GRID1: variants seen among roughly 807,000 people sequenced by gnomAD.
GRID1 encodes the protein glutamate receptor ionotropic, delta-1.
In GRID1, 28 loss-of-function variants were observed where a neutral mutation model predicts 98.0. The observed-to-expected ratio is 0.29, with a 90% confidence interval of 0.21 to 0.39. The LOEUF (loss-of-function observed/expected upper bound fraction) is 0.39. Among genes scored for constraint, GRID1 ranks in the 10% least tolerant of loss-of-function variants. The probability of loss-of-function intolerance (pLI) is 1.00; values close to 1 mark genes in which losing one functional copy is unlikely to be tolerated. For synonymous variants in GRID1, 553 were observed against 538.5 expected (o/e 1.03, Z -0.37); for missense variants, 1,111 against 1,340.5 (o/e 0.83, Z 2.67).
At chr10:85,993,889 G>C (rs975175633) in intron 4 of GRID1, among the ~76,000 whole-genome samples, 2 of 149,308 alleles carry the variant, frequency 1.3e-5, no homozygotes, top group Non-Finnish European at 3.0e-5. Flanking sequence ...ATGATGTTCA[G>C]TAGATGATGT....
chr10:86,291,134 C>A (rs1847506641), intron 2 of GRID1, among the ~76,000 whole-genome samples: 1 of 152,196 alleles, frequency 6.6e-6, no homozygotes, highest in African/African-American at 2.4e-5. Context: ...CACCATGGGC[C>A]ACAGGCACAA....
At position 86,230,191 on chromosome 10, in the gene GRID1, C is replaced by T. The variant is rs1314724927; in HGVS notation, c.236-23543G>A. Among the ~76,000 whole-genome samples the T allele has an allele frequency of 2.0e-5, 3 of 152,260 alleles. No homozygotes were observed. The East Asian group carries it at 5.8e-4, about 29-fold the overall frequency. On this transcript the variant is annotated intron_variant, in intron 2 of 15. Coordinates refer to ENST00000327946, the MANE Select transcript of GRID1 (RefSeq NM_017551.3). ...TCCTAAACCTGGCTTCAGGCCCTGC[C>T]TGACCTCACCCTACAGTCCCGCCCC... is the stretch of plus-strand genomic sequence containing the variant.
At chr10:85,711,172 C>T (rs1463342253) in intron 12 of GRID1, among the ~76,000 whole-genome samples, 1 of 152,014 alleles carries the variant, frequency 6.6e-6, no homozygotes, top group Admixed American at 6.6e-5. Flanking sequence ...GGTATTTGTA[C>T]ACCCATGTTT....
At chr10:85,830,492 A>G (rs941692283) in intron 8 of GRID1, among the ~76,000 whole-genome samples, 1 of 152,216 alleles carries the variant, frequency 6.6e-6, no homozygotes, top group Non-Finnish European at 1.5e-5. Flanking sequence ...TCTGCACAGC[A>G]AAAGAAACTA....
At chr10:85,942,892 G>C (rs753974208) in intron 4 of GRID1, among the ~76,000 whole-genome samples, 1 of 152,164 alleles carries the variant, frequency 6.6e-6, no homozygotes, top group African/African-American at 2.4e-5. Flanking sequence ...AAGATACACA[G>C]CTTAGTAATA....
chr10:86,021,710 T>A (rs1843052013), intron 4 of GRID1, among the ~76,000 whole-genome samples: 2 of 152,118 alleles, frequency 1.3e-5, no homozygotes, highest in African/African-American at 4.8e-5. Context: ...AGGTCCATAG[T>A]TTATATTCAG....
At chr10:85,777,675 C>T (rs942912393) in intron 8 of GRID1, among the ~76,000 whole-genome samples, 8 of 152,174 alleles carry the variant, frequency 5.3e-5, no homozygotes, top group African/African-American at 1.9e-4. Flanking sequence ...TGCTTTTTGC[C>T]TACTAAAGAG....
At chr10:85,604,510 G>A (rs546747967) in intron 15 of GRID1, among the ~76,000 whole-genome samples, 4 of 152,260 alleles carry the variant, frequency 2.6e-5, no homozygotes, top group East Asian at 1.9e-4. Context: ...CAGCTCATTC[G>A]TGCTGGGAGA....
At chr10:86,316,346 CCTT>C (rs1247587874) in intron 2 of GRID1, among the ~76,000 whole-genome samples, 6 of 152,280 alleles carry the variant, frequency 3.9e-5, no homozygotes, top group African/African-American at 1.4e-4. Context: ...ACTGACAGCT[CCTT>C]CATGTCAGGG....
At chr10:86,301,955 A>G (rs972115170) in intron 2 of GRID1, among the ~76,000 whole-genome samples, 2 of 152,198 alleles carry the variant, frequency 1.3e-5, no homozygotes, top group Non-Finnish European at 2.9e-5. Flanking sequence ...TTGCACCCCC[A>G]AAAATGGGCT....
chr10:86,339,860 C>T (rs2132109022), intron 2 of GRID1, among the ~76,000 whole-genome samples: 1 of 152,344 alleles, frequency 6.6e-6, no homozygotes, highest in African/African-American at 2.4e-5. Context: ...CCTCCTAACG[C>T]TTCCACTTGG....
chr10:85,869,296 G>A (rs1373962094), intron 5 of GRID1, 116 bp from the exon 6 acceptor site: 11 of 839,338 alleles, frequency 1.3e-5, no homozygotes, highest in Non-Finnish European at 2.2e-5. Context: ...GAGGGCAAGG[G>A]ATTGGGCCCA....
chr10:85,930,442 T>A (rs951732978), intron 4 of GRID1, among the ~76,000 whole-genome samples: 1 of 151,632 alleles, frequency 6.6e-6, no homozygotes, highest in African/African-American at 2.4e-5. Context: ...AAATGCTCAA[T>A]GCAACAAAAT....
chr10:85,773,418 C>A (rs1388379448), intron 8 of GRID1, among the ~76,000 whole-genome samples: 2 of 152,216 alleles, frequency 1.3e-5, no homozygotes, highest in Non-Finnish European at 2.9e-5. Flanking sequence ...TGGCACAAGA[C>A]AGGGATGCCC....
At chr10:85,633,922 A>T (rs1843003735) in intron 13 of GRID1, among the ~76,000 whole-genome samples, 1 of 152,146 alleles carries the variant, frequency 6.6e-6, no homozygotes, top group Admixed American at 6.5e-5. Flanking sequence ...CTGTAATCCC[A>T]GCACTTTGGG....
chr10:86,252,497 T>A (rs1846852069), intron 2 of GRID1, among the ~76,000 whole-genome samples: 1 of 152,240 alleles, frequency 6.6e-6, no homozygotes, highest in Non-Finnish European at 1.5e-5. Context: ...ACAAAGTGCA[T>A]GAATAAACAG....
chr10:86,120,828 G>A (rs1844654191), intron 4 of GRID1, among the ~76,000 whole-genome samples: 1 of 152,156 alleles, frequency 6.6e-6, no homozygotes, highest in Non-Finnish European at 1.5e-5. Context: ...AAGTGCCTTT[G>A]TCGTGGGGGG....
chr10:86,093,717 C>T (rs1009753818), intron 4 of GRID1, among the ~76,000 whole-genome samples: 1 of 151,572 alleles, frequency 6.6e-6, no homozygotes, highest in East Asian at 1.9e-4. Context: ...AAATTACCAA[C>T]AAAAAAAAGT....
At chr10:86,182,927 G>A (rs898709951) in intron 3 of GRID1, among the ~76,000 whole-genome samples, 4 of 152,212 alleles carry the variant, frequency 2.6e-5, no homozygotes, top group African/African-American at 9.7e-5. Flanking sequence ...CCTGTGACGG[G>A]CAGCATGGTA....
Sources: gnomAD v4.1 joint callset for allele counts (sites outside exome capture counted in the v4.1 genomes callset) on GRCh38, gnomAD v4.1.1 for gene constraint, MANE v1.5 for transcripts, NCBI Gene and HGNC (gene_info 2026-07-23, HGNC 2026-07-21) for gene names.